Variants in CWC27 observed in about 807,000 individuals in gnomAD.
CWC27 encodes the protein CWC27 spliceosome associated cyclophilin.
In CWC27, 47 loss-of-function variants were observed where a neutral mutation model predicts 63.6. That is an observed-to-expected ratio of 0.74 (90% CI 0.58 to 0.94). The LOEUF (loss-of-function observed/expected upper bound fraction) is 0.94, where lower values mean the gene tolerates loss of function less well. Ranked by LOEUF, CWC27 falls within the 40% of genes least tolerant of loss-of-function variation. The probability of loss-of-function intolerance (pLI) is 0.00; values close to 1 mark genes in which losing one functional copy is unlikely to be tolerated. For missense variants in CWC27, 495 were observed against 554.3 expected, an observed-to-expected ratio of 0.89 and a Z score of 1.07; for synonymous variants, 175 against 179.8, an observed-to-expected ratio of 0.97 and a Z score of 0.22.
intron 11 of CWC27, among the ~76,000 whole-genome samples, chr5:64,968,706 C>G (rs1749068052): frequency 6.6e-6 from 1 of 152,098 alleles, no homozygotes; most frequent in South Asian, 2.1e-4. Flanking sequence ...CTGACTGTAA[C>G]AGACATTTGG....
intron 11 of CWC27, among the ~76,000 whole-genome samples, chr5:64,962,157 A>G (rs1276253991): frequency 6.6e-6 from 1 of 152,200 alleles, no homozygotes; most frequent in African/African-American, 2.4e-5. Flanking sequence ...GGAGGATTCA[A>G]GCACATGAGA....
intron 10 of CWC27, among the ~76,000 whole-genome samples, chr5:64,841,850 A>G (rs574832785): frequency 4.0e-5 from 6 of 151,514 alleles, no homozygotes; most frequent in African/African-American, 1.5e-4. Flanking sequence ...TAATTTTTGT[A>G]TTCTTTTTTA....
intron 11 of CWC27, among the ~76,000 whole-genome samples, chr5:64,912,869 G>A (rs1747819060): frequency 6.6e-6 from 1 of 152,116 alleles, no homozygotes; most frequent in East Asian, 1.9e-4. Context: ...CAGTCTTACA[G>A]AAACTCATCC....
At chr5:64,893,232 C>G (rs1205626437) in intron 11 of CWC27, among the ~76,000 whole-genome samples, 1 of 152,212 alleles carries the variant, frequency 6.6e-6, no homozygotes, top group African/African-American at 2.4e-5. Context: ...CTGTCAAGAC[C>G]TTATTTTAAG....
At chr5:64,780,578 TTATAAC>T (rs1177065176) in intron 2 of CWC27, among the ~76,000 whole-genome samples, 7 of 148,226 alleles carry the variant, frequency 4.7e-5, no homozygotes, top group African/African-American at 1.7e-4. Flanking sequence ...TCAAAATTAC[TTATAAC>T]TATAATTACT....
At chr5:64,907,991 TAGATCTTTCC>T (rs904296775) in intron 11 of CWC27, among the ~76,000 whole-genome samples, 4 of 152,232 alleles carry the variant, frequency 2.6e-5, no homozygotes, top group African/African-American at 9.6e-5. Flanking sequence ...GTGTCGATTT[TAGATCTTTCC>T]TGCTTTCTCT....
intron 11 of CWC27, among the ~76,000 whole-genome samples, chr5:64,927,790 C>T (rs771439266): frequency 2.6e-5 from 4 of 152,138 alleles, no homozygotes; most frequent in Non-Finnish European, 5.9e-5. Context: ...AATCATTGTC[C>T]ACAACTCCTA....
intron 1 of CWC27, among the ~76,000 whole-genome samples, chr5:64,773,113 C>A (rs953499639): frequency 3.9e-5 from 6 of 151,904 alleles, no homozygotes; most frequent in Admixed American, 1.3e-4. Context: ...GAGCTGATAC[C>A]TCAGCATGGG....
chr5:64,813,654 T>C (rs905488965), intron 10 of CWC27, among the ~76,000 whole-genome samples: 4 of 152,330 alleles, frequency 2.6e-5, no homozygotes, highest in East Asian at 1.9e-4. Context: ...TTTGACATTA[T>C]GTGCAGAAAA....
intron 11 of CWC27, among the ~76,000 whole-genome samples, chr5:64,970,586 C>A (rs1749106821): frequency 6.6e-6 from 1 of 152,158 alleles, no homozygotes; most frequent in African/African-American, 2.4e-5. Context: ...TTATACTAGT[C>A]TTTACTAGGC....
intron 10 of CWC27, among the ~76,000 whole-genome samples, chr5:64,868,453 A>G (rs116608200): frequency 1.1e-3 from 162 of 152,198 alleles, no homozygotes; most frequent in African/African-American, 3.8e-3. Flanking sequence ...CTAAGAAAAT[A>G]TTAATAAAGT....
At chr5:64,926,557 G>A (rs1201879542) in intron 11 of CWC27, among the ~76,000 whole-genome samples, 2 of 151,742 alleles carry the variant, frequency 1.3e-5, no homozygotes, top group Non-Finnish European at 2.9e-5. Flanking sequence ...TCTCCTTCCA[G>A]CAGGCTTGGA....
intron 2 of CWC27, among the ~76,000 whole-genome samples, chr5:64,779,730 C>G (rs1055472168): frequency 6.6e-6 from 1 of 152,188 alleles, no homozygotes; most frequent in Non-Finnish European, 1.5e-5. Flanking sequence ...CAAATCTCAC[C>G]TTGAATTGTA....
intron 11 of CWC27, among the ~76,000 whole-genome samples, chr5:64,912,491 A>G (rs1205083692): frequency 1.3e-5 from 2 of 152,210 alleles, no homozygotes; most frequent in African/African-American, 4.8e-5. Flanking sequence ...TATACAGAAC[A>G]GGAAGTTAAA....
At chr5:64,931,964 AGCATCCTTGTACACTTCTGTG>A (rs1210171245) in intron 11 of CWC27, among the ~76,000 whole-genome samples, 2 of 152,100 alleles carry the variant, frequency 1.3e-5, no homozygotes, top group Non-Finnish European at 2.9e-5. Flanking sequence ...TTTTGCAGAA[AGCATCCTTGTACACTTCTGTG>A]TACACAAACA....
intron 13 of CWC27, among the ~76,000 whole-genome samples, chr5:65,014,968 C>T (rs1279001153): frequency 1.3e-5 from 2 of 152,056 alleles, no homozygotes; most frequent in East Asian, 3.8e-4. Context: ...CCTTTCTTTC[C>T]TCTGGGTTTA....
chr5:64,924,865 A>G (rs759211580), intron 11 of CWC27, among the ~76,000 whole-genome samples: 1 of 152,158 alleles, frequency 6.6e-6, no homozygotes, highest in Admixed American at 6.6e-5. Flanking sequence ...CATTTAGCAT[A>G]GTGCTAATGA....
At chr5:64,891,616 A>G (rs1747239418) in intron 11 of CWC27, among the ~76,000 whole-genome samples, 2 of 152,280 alleles carry the variant, frequency 1.3e-5, no homozygotes, top group African/African-American at 2.4e-5. Flanking sequence ...CCAAGTCATA[A>G]TTAGCGAATC....
intron 10 of CWC27, among the ~76,000 whole-genome samples, chr5:64,868,856 C>T (rs1428299817): frequency 6.6e-6 from 1 of 151,914 alleles, no homozygotes; most frequent in East Asian, 1.9e-4. Flanking sequence ...TGCCTCATTG[C>T]CTTGCTGTTT....
Sources: gnomAD v4.1 joint callset for allele counts (sites outside exome capture counted in the v4.1 genomes callset) on GRCh38, gnomAD v4.1.1 for gene constraint, MANE v1.5 for transcripts, NCBI Gene and HGNC (gene_info 2026-07-23, HGNC 2026-07-21) for gene names.